The following ADAM7 variants were observed in gnomAD, a reference collection of about 807,000 sequenced individuals.
ADAM7 encodes the protein ADAM metallopeptidase domain 7.
A neutral mutation model predicts 102.9 loss-of-function variants in ADAM7; 97 were observed. The observed-to-expected ratio is 0.94, with a 90% CI of 0.80 to 1.12. The LOEUF is 1.12. Ranked by LOEUF, ADAM7 falls within the 50% of genes most tolerant of loss-of-function variation. The pLI, the probability that ADAM7 is intolerant of heterozygous loss-of-function variation, is 0.00. For missense variants in ADAM7, 991 were observed against 908.7 expected (o/e 1.09, Z -1.16); for synonymous variants, 334 against 304.4 (o/e 1.10, Z -1.01).
In ADAM7 at chr8:24,508,786, A is replaced by G. The variant is rs907620971; in HGVS notation, c.*240A>G. The G allele has an allele frequency of 7.4e-7, 1 of 1,344,346 alleles. No individual in the cohort carries two copies. The highest frequency in any genetic ancestry group is 9.5e-7 in the Non-Finnish European group (1 of 1,047,410). 83.3% of individuals were successfully genotyped at this position (1,344,346 alleles called of 1,614,324 possible). ...AAAAAAAATGTCTTGTGGTCTTTCA[A>G]ATGCTCTTTAGCACAATATAAAAAT... On this transcript the variant is annotated 3_prime_UTR_variant, in exon 22 of 22. Transcript: ENST00000175238.
chr8:24,441,899 C>T (rs750662091), intron 1 of ADAM7, among the ~76,000 whole-genome samples: 3 of 152,152 alleles, frequency 2.0e-5, no homozygotes, highest in Non-Finnish European at 4.4e-5. Context: ...GCAGGCCAGA[C>T]ATGGTGGCTC....
At chr8:24,468,290 G>C (rs1183327868) in intron 6 of ADAM7, among the ~76,000 whole-genome samples, 1 of 138,002 alleles carries the variant, frequency 7.2e-6, no homozygotes, top group Non-Finnish European at 1.6e-5. Context: ...CTCAGTAAAT[G>C]AAAAAAAAAA....
rs532074547 is a variant in ADAM7 at position 24,494,247 on chromosome 8, T to A, written c.1842+1018T>A. Among the ~76,000 whole-genome samples the A allele has an allele frequency of 1.6e-4, 25 of 152,254 alleles. 1 individual carries two copies. In the South Asian group the frequency reaches 3.7e-3, roughly 23 times the overall value. On this transcript the variant is annotated intron_variant, in intron 16 of 21. Coordinates refer to ENST00000175238, the MANE Select transcript of ADAM7 (RefSeq NM_003817.4). ...ATTTAATAGCGACTTACATTTTGAG[T>A]CTATATATTTAACTATCCTACTTCC...
At chr8:24,451,434 C>A (rs1278093113) in intron 3 of ADAM7, among the ~76,000 whole-genome samples, 30 of 152,128 alleles carry the variant, frequency 2.0e-4, no homozygotes, top group Middle Eastern at 3.2e-3. Context: ...AGTTTATTTG[C>A]GTAGAGGTGT....
At chr8:24,448,404 T>C (rs1818646589) in intron 3 of ADAM7, among the ~76,000 whole-genome samples, 1 of 152,154 alleles carries the variant, frequency 6.6e-6, no homozygotes, top group African/African-American at 2.4e-5. Flanking sequence ...TGTTAGTGAA[T>C]TGTACACACA....
intron 4 of ADAM7, 43 bp from the exon 5 acceptor site, chr8:24,465,656 T>C: frequency 8.1e-7 from 1 of 1,238,318 alleles, no homozygotes; most frequent in Non-Finnish European, 1.1e-6. Flanking sequence ...CTATATAAAA[T>C]CAATATTTAT....
intron 3 of ADAM7, among the ~76,000 whole-genome samples, chr8:24,458,602 C>T (rs13252155): frequency 0.27 from 41,295 of 151,914 alleles, 6,429 homozygotes; most frequent in South Asian, 0.39. Context: ...TCTGAAAATA[C>T]TGATAGTTTT....
intron 3 of ADAM7, among the ~76,000 whole-genome samples, chr8:24,458,814 C>T (rs1454642208): frequency 6.6e-6 from 1 of 151,972 alleles, no homozygotes; most frequent in Non-Finnish European, 1.5e-5. Context: ...AATTAAAGTT[C>T]CTTGAAAAGT....
At chr8:24,506,511 A>C (rs1186059621) in intron 20 of ADAM7, among the ~76,000 whole-genome samples, 1 of 152,088 alleles carries the variant, frequency 6.6e-6, no homozygotes, top group East Asian at 1.9e-4. Flanking sequence ...TTACTGAATT[A>C]GTTTTCTCCC....
intron 20 of ADAM7, among the ~76,000 whole-genome samples, chr8:24,502,330 A>G (rs1820790773): frequency 6.6e-6 from 1 of 152,122 alleles, no homozygotes; most frequent in African/African-American, 2.4e-5. Flanking sequence ...AAAATAAAAG[A>G]TCAATGACCT....
chr8:24,477,596 T>C (rs1819811532), intron 8 of ADAM7, among the ~76,000 whole-genome samples: 1 of 48,168 alleles, frequency 2.1e-5, no homozygotes, highest in Admixed American at 2.1e-4. Context: ...GTGTGTGTGG[T>C]ATTTACAGTG....
chr8:24,469,584 T>TA, intron 7 of ADAM7, among the ~76,000 whole-genome samples: 1 of 151,852 alleles, frequency 6.6e-6, no homozygotes, highest in Middle Eastern at 3.4e-3. Flanking sequence ...TAATCCAAGA[T>TA]AAAATGAACC....
chr8:24,485,451 T>C, intron 10 of ADAM7, 90 bp downstream of exon 10: 1 of 1,099,606 alleles, frequency 9.1e-7, no homozygotes, highest in Non-Finnish European at 1.3e-6. Flanking sequence ...TATGTATGCA[T>C]TTTGTCATAT....
Position 24,501,559 on chromosome 8 carries a change from G to T in ADAM7, c.2191G>T (p.Glu731Ter). ...QQIRTEPILP[E>*]IHFLNKPASK... ...GATAAGGACTGAGCCAATCCTGCCA[G>T]AAATTCATTTCCTAAATGTAAGAAA... Residue 731 changes from glutamate to a stop codon, truncating the protein, a stop_gained, in exon 20 of 22, where the codon GAA (glutamate) becomes TAA (stop). Transcript: ENST00000175238. LOFTEE classifies it high-confidence loss of function. 1 of 1,591,570 alleles carries T rather than the reference G, an allele frequency of 6.3e-7. No individual in the cohort carries two copies.
In ADAM7 at chr8:24,457,780, G is replaced by C. The variant is rs529605760; in HGVS notation, c.234-6102G>C. Among the ~76,000 whole-genome samples the C allele has an allele frequency of 2.6e-5, 4 of 152,004 alleles. No individual in the cohort carries two copies. The South Asian group carries it at 8.3e-4, about 32-fold the overall frequency. On this transcript the variant is annotated intron_variant, in intron 3 of 21. Transcript: ENST00000175238. ...ACTGCAAATCACAAATATATTGTATGTTTGCTTCTAAGCTCTTCATAGTTT... is the reference window on the plus strand; with the variant it reads ...ACTGCAAATCACAAATATATTGTATCTTTGCTTCTAAGCTCTTCATAGTTT...
At chr8:24,477,848 GC>G (rs1034847828) in intron 8 of ADAM7, among the ~76,000 whole-genome samples, 4 of 151,494 alleles carry the variant, frequency 2.6e-5, no homozygotes, top group African/African-American at 9.7e-5. Flanking sequence ...TTTTTGTTGG[GC>G]CAACAAGATT....
At position 24,482,115 on chromosome 8, in the gene ADAM7, G is replaced by C. The variant is rs79127838; in HGVS notation, c.706-27G>C. On this transcript the variant is annotated intron_variant, in intron 8 of 21. Coordinates refer to ENST00000175238, the MANE Select transcript of ADAM7 (RefSeq NM_003817.4). ...AGACTGTTTCCAGCAACTTGACTTT[G>C]TGAAAAATGATTTCTTCTTTGAACA... 2.4e-4 allele frequency: 367 copies of C among 1,529,938 alleles called. 1 individual carries two copies. The African/African-American group carries it at 4.4e-3, about 19-fold the overall frequency. 94.8% of individuals were successfully genotyped at this position (1,529,938 alleles called of 1,614,324 possible).
intron 3 of ADAM7, among the ~76,000 whole-genome samples, chr8:24,454,446 A>T (rs1157724174): frequency 1.3e-5 from 2 of 151,882 alleles, no homozygotes; most frequent in Non-Finnish European, 2.9e-5. Context: ...TGGGCGTAAG[A>T]CCCTCCGAGC....
intron 4 of ADAM7, among the ~76,000 whole-genome samples, chr8:24,464,533 C>T (rs1819359583): frequency 6.6e-6 from 1 of 152,128 alleles, no homozygotes. Flanking sequence ...AACCTTCTAC[C>T]AAGAACATTA....
Sources: allele counts gnomAD v4.1 joint callset (sites outside exome capture counted in the v4.1 genomes callset), GRCh38; gene constraint gnomAD v4.1.1; transcripts MANE v1.5; gene names NCBI Gene and HGNC (gene_info 2026-07-23, HGNC 2026-07-21).